RYR3: variants seen among roughly 807,000 people sequenced by gnomAD.
The protein encoded by RYR3 is ryanodine receptor 3.
A neutral mutation model predicts 584.3 loss-of-function variants in RYR3; 207 were observed. The ratio of observed to expected loss-of-function variants is 0.35; its 90% CI spans 0.32 to 0.40. RYR3 has a LOEUF of 0.40. RYR3 is among the 10% of genes least tolerant of loss of function. The pLI is 1.00. For synonymous variants in RYR3, 2,416 were observed against 2,248.5 expected (o/e 1.07, Z -2.11); for missense variants, 5,616 against 6,089.2 (o/e 0.92, Z 2.59).
chr15:33,818,618 A>T lies in RYR3; in HGVS notation c.10640A>T (p.Glu3547Val). The T allele has an allele frequency of 1.2e-6, 2 of 1,613,974 alleles. No individual in the cohort carries two copies. Among genetic ancestry groups the T allele is most frequent in the South Asian group, 1.1e-5 (1 of 91,080 alleles). Reference protein sequence around the residue: ...KVEEEEEEETEKQPDPLHQII... With the variant: ...KVEEEEEEETVKQPDPLHQII... ...GAAGAGGAGGAGGAGGAAGAGACAG[A>T]AAAACAACCTGACCCACTACATCAG... The change falls in exon 76 of 104, where the codon GAA (glutamate) becomes GTA (valine). Residue 3547 changes from glutamate to valine, a missense_variant. Coordinates refer to ENST00000634891, the MANE Select transcript of RYR3 (RefSeq NM_001036.6).
intron 1 of RYR3, among the ~76,000 whole-genome samples, chr15:33,451,281 G>C (rs968414915): frequency 6.6e-6 from 1 of 152,044 alleles, no homozygotes; most frequent in Non-Finnish European, 1.5e-5. Flanking sequence ...ATTCAAACGG[G>C]CACCCTGTTC....
chr15:33,534,702 AC>A (rs2055178392), intron 5 of RYR3, among the ~76,000 whole-genome samples: 1 of 152,226 alleles, frequency 6.6e-6, no homozygotes, highest in African/African-American at 2.4e-5. Context: ...TCTTCCAAAG[AC>A]CAACAGAGCA....
At chr15:33,821,495 T>G (rs1344373436) in intron 79 of RYR3, 28 bp from the exon 80 acceptor site, 6 of 1,612,744 alleles carry the variant, frequency 3.7e-6, no homozygotes, top group African/African-American at 1.3e-5. Context: ...GTTTCCTTGG[T>G]GATTCAATCG....
At chr15:33,639,241 G>C (rs907709410) in intron 27 of RYR3, among the ~76,000 whole-genome samples, 1 of 152,182 alleles carries the variant, frequency 6.6e-6, no homozygotes, top group East Asian at 1.9e-4. Flanking sequence ...GTATTATTAG[G>C]ATGCTGTTTA....
At chr15:33,351,155 T>A (rs1223680537) in intron 1 of RYR3, among the ~76,000 whole-genome samples, 1 of 151,906 alleles carries the variant, frequency 6.6e-6, no homozygotes. Flanking sequence ...AACTGGAAAA[T>A]CTAGAAGAAA....
At chr15:33,833,137 T>G (rs2077807837) in intron 86 of RYR3, among the ~76,000 whole-genome samples, 1 of 152,152 alleles carries the variant, frequency 6.6e-6, no homozygotes, top group South Asian at 2.1e-4. Flanking sequence ...ATGCGTGGCT[T>G]TATAAGAAAT....
At position 33,699,848 on chromosome 15, in the gene RYR3, T is replaced by C. The variant is rs367783267; in HGVS notation, c.6379+15T>C. 69 of 1,605,202 alleles carry C rather than the reference T, an allele frequency of 4.3e-5. No homozygotes were observed. The highest frequency in any genetic ancestry group is 5.1e-5 in the Non-Finnish European group (60 of 1,173,358). On this transcript the variant is annotated intron_variant, in intron 41 of 103. Coordinates refer to ENST00000634891, the MANE Select transcript of RYR3 (RefSeq NM_001036.6). ...TGTTGGCCTAGGTGCGTAAGTCTTC[T>C]TGTAACTTCCACATCCAAACTCGAA...
chr15:33,359,557 C>G (rs978017545), intron 1 of RYR3, among the ~76,000 whole-genome samples: 1 of 152,138 alleles, frequency 6.6e-6, no homozygotes, highest in Non-Finnish European at 1.5e-5. Context: ...GGTTTCTGCT[C>G]AAACACAGTC....
intron 50 of RYR3, among the ~76,000 whole-genome samples, chr15:33,739,526 A>C (rs1056691003): frequency 3.3e-5 from 5 of 152,020 alleles, no homozygotes; most frequent in African/African-American, 1.2e-4. Flanking sequence ...CTTCTGGCCT[A>C]GCGCCTAGTC....
chr15:33,411,643 C>CTT (rs2043414987), intron 1 of RYR3, among the ~76,000 whole-genome samples: 1 of 152,206 alleles, frequency 6.6e-6, no homozygotes, highest in Non-Finnish European at 1.5e-5. Context: ...GAATCACAAA[C>CTT]TTACGACCAC....
At chr15:33,816,292 C>T (rs1596766765) in intron 74 of RYR3, among the ~76,000 whole-genome samples, 2 of 152,338 alleles carry the variant, frequency 1.3e-5, no homozygotes, top group Admixed American at 1.3e-4. Flanking sequence ...AGGGACATAG[C>T]TAGAATCCAT....
In RYR3 at chr15:33,663,748, T is replaced by A. The variant is rs749886759; in HGVS notation, c.5619+11T>A. 6.3e-7 allele frequency: 1 copy of A among 1,591,822 alleles called. No individual in the cohort carries two copies. The highest frequency in any genetic ancestry group is 8.6e-7 in the Non-Finnish European group (1 of 1,169,362). On this transcript the variant is annotated intron_variant, in intron 36 of 103. Coordinates refer to ENST00000634891, the MANE Select transcript of RYR3 (RefSeq NM_001036.6). ...CCCCCACAGGAGCAGGTGAGGGTCC[T>A]TCCTGAGCCTCTGTCCAGTTCCTAT...
intron 2 of RYR3, among the ~76,000 whole-genome samples, chr15:33,479,322 T>C (rs970950785): frequency 1.3e-5 from 2 of 152,100 alleles, no homozygotes; most frequent in African/African-American, 4.8e-5. Flanking sequence ...AGAGACAGAC[T>C]CATCCTAAGG....
chr15:33,674,022 C>CTCT (rs2064005494), intron 38 of RYR3, among the ~76,000 whole-genome samples: 2 of 152,178 alleles, frequency 1.3e-5, no homozygotes, highest in Admixed American at 6.5e-5. Context: ...ATAGTGCCTG[C>CTCT]TCTCCCCTGC....
intron 20 of RYR3, among the ~76,000 whole-genome samples, chr15:33,627,467 A>G (rs2061051630): frequency 6.6e-6 from 1 of 152,170 alleles, no homozygotes; most frequent in African/African-American, 2.4e-5. Flanking sequence ...GGTATTTGCC[A>G]GGTGCTGAGG....
chr15:33,551,037 G>C (rs992068356), intron 10 of RYR3, among the ~76,000 whole-genome samples: 1 of 152,094 alleles, frequency 6.6e-6, no homozygotes, highest in South Asian at 2.1e-4. Context: ...TTCTTTTTTA[G>C]AAACCGCCTC....
chr15:33,441,566 A>G (rs963326399), intron 1 of RYR3, among the ~76,000 whole-genome samples: 2 of 151,948 alleles, frequency 1.3e-5, no homozygotes, highest in African/African-American at 4.8e-5. Flanking sequence ...ACTTAAACCC[A>G]TTTATTCTTG....
In RYR3 at chr15:33,662,805, A is replaced by G. The variant is rs756361085; in HGVS notation, c.5275A>G (p.Ser1759Gly). The G allele has an allele frequency of 6.2e-7, 1 of 1,613,980 alleles. No individual in the cohort carries two copies. The highest frequency in any genetic ancestry group is 1.1e-5 in the South Asian group (1 of 91,066). ...TGATCCCTCTGTGTTTGGGGAGCAT[A>G]GTGCGGGGACAGAGGAGGGAGCAGA... ...LIDPSVFGEH[S>G]AGTEEGAEKE... is the part of the protein sequence containing the mutation. The change falls in exon 35 of 104, where the codon AGT becomes GGT. Residue 1759 changes from serine (S) to glycine (G), a missense_variant. Ser to Gly is a moderately conservative substitution (Grantham distance 56). Coordinates refer to ENST00000634891, the MANE Select transcript of RYR3 (RefSeq NM_001036.6).
chr15:33,852,847 A>G (rs2079247066), intron 94 of RYR3, 198 bp from the exon 95 acceptor site: 2 of 521,678 alleles, frequency 3.8e-6, no homozygotes, highest in East Asian at 6.8e-5. Flanking sequence ...TTCAAAAGCC[A>G]ATACAAAGTA....
Sources: allele counts gnomAD v4.1 joint callset (sites outside exome capture counted in the v4.1 genomes callset), GRCh38; gene constraint gnomAD v4.1.1; transcripts MANE v1.5; gene names NCBI Gene and HGNC (gene_info 2026-07-23, HGNC 2026-07-21).